Variants in CYLC2 observed in about 807,000 individuals in gnomAD.
CYLC2 encodes cylicin-2.
Under a neutral mutation model 26.1 loss-of-function variants are expected in CYLC2, and 30 were observed. The ratio of observed to expected loss-of-function variants is 1.15; its 90% CI spans 0.86 to 1.56. CYLC2 has a LOEUF of 1.56. Ranked by LOEUF, CYLC2 falls within the 40% of genes most tolerant of loss-of-function variation. The pLI is 0.00. For missense variants in CYLC2, 498 were observed against 394.4 expected (o/e 1.26, Z -2.23); for synonymous variants, 158 against 132.8 (o/e 1.19, Z -1.31).
intron 2 of CYLC2, among the ~76,000 whole-genome samples, chr9:103,002,791 T>C (rs533624937): frequency 6.6e-6 from 1 of 152,300 alleles, no homozygotes; most frequent in African/African-American, 2.4e-5. Context: ...GTAGTTATTT[T>C]CTGTTATAAT....
intron 2 of CYLC2, among the ~76,000 whole-genome samples, chr9:103,002,643 C>T (rs986354939): frequency 2.0e-5 from 3 of 151,984 alleles, no homozygotes; most frequent in South Asian, 2.1e-4. Context: ...TGAGCCACCG[C>T]GCCTGGCTGC....
Position 103,005,693 on chromosome 9 carries a change from T to A in CYLC2, c.*15T>A. ...AGGGCAAGTAGGCCTTGGATAAGAA[T>A]TTGAACCGAAAGAATAATTCAAAAG... On this transcript the variant is annotated 3_prime_UTR_variant, in exon 5 of 8. Transcript: ENST00000374798. 1 of 1,589,144 alleles carries A rather than the reference T, an allele frequency of 6.3e-7. No homozygotes were observed. The highest frequency in any genetic ancestry group is 8.5e-7 in the Non-Finnish European group (1 of 1,170,742).
In CYLC2 at chr9:103,011,947, C is replaced by CTTTTTTT. The variant is rs776460013; in HGVS notation, c.*701-14_*701-8dup. The CTTTTTTT allele has an allele frequency of 1.0e-3, 64 of 64,130 alleles. 5 individuals carry two copies. Among genetic ancestry groups the CTTTTTTT allele is most frequent in the East Asian group, 1.5e-3 (3 of 1,936 alleles). 4.0% of individuals were successfully genotyped at this position (64,130 alleles called of 1,614,324 possible). Reference sequence around the variant, plus strand: ...AACTTGCTAATACTTAGATCATTCTCTTTTTTTTTTTTTTTTTTTTTTTTT... The same window carrying CTTTTTTT: ...AACTTGCTAATACTTAGATCATTCTCTTTTTTTTTTTTTTTTTTTTTTTTTTTTTTTT... On this transcript the variant is annotated intron_variant, in intron 5 of 7. Coordinates refer to ENST00000374798, the MANE Select transcript of CYLC2 (RefSeq NM_001340.5).
chr9:103,005,490 G>A lies in CYLC2; in HGVS notation c.859G>A (p.Asp287Asn), dbSNP rs1445690327. The A allele has an allele frequency of 1.9e-6, 3 of 1,613,534 alleles. No homozygotes were observed. The highest frequency in any genetic ancestry group is 2.2e-5 in the East Asian group (1 of 44,864). ...PSSTDSDSKDDVKKESKKDAT... is the reference protein window; with the variant it reads ...PSSTDSDSKDNVKKESKKDAT... ...TAGTACAGACAGTGACTCAAAGGAT[G>A]ATGTCAAGAAAGAGTCTAAGAAGGA... is the stretch of plus-strand genomic sequence containing the variant. The change falls in exon 5 of 8, where the codon GAT becomes AAT. Residue 287 changes from aspartate (D) to asparagine (N), a missense_variant. Asp to Asn is a conservative substitution (Grantham distance 23, BLOSUM62 1). Transcript: ENST00000374798.
chr9:102,995,692 A>C (rs2118215717), intron 1 of CYLC2, among the ~76,000 whole-genome samples: 1 of 152,028 alleles, frequency 6.6e-6, no homozygotes, highest in African/African-American at 2.4e-5. Flanking sequence ...GAGTAATATA[A>C]AATAAAATAA....
At chr9:103,011,229 G>A (rs893201424) in intron 5 of CYLC2, among the ~76,000 whole-genome samples, 1 of 152,024 alleles carries the variant, frequency 6.6e-6, no homozygotes, top group African/African-American at 2.4e-5. Flanking sequence ...AGGACAATGT[G>A]CATTGTTCTC....
chr9:103,018,191 G>A (rs1829526311), intron 7 of CYLC2, 134 bp from the exon 8 acceptor site: 4 of 152,056 alleles, frequency 2.6e-5, no homozygotes, highest in Admixed American at 2.6e-4. Context: ...TTTAAACAAT[G>A]AGGAGAACTT....
rs2118238346 is a variant in CYLC2 at position 103,005,086 on chromosome 9, A to G, written c.455A>G (p.Glu152Gly). The G allele has an allele frequency of 1.2e-6, 2 of 1,606,970 alleles. No individual in the cohort carries two copies. The highest frequency in any genetic ancestry group is 1.1e-5 in the South Asian group (1 of 90,418). The change falls in exon 5 of 8, where the codon GAA (glutamate) becomes GGA (glycine). Residue 152 changes from glutamate to glycine, a missense_variant. Physicochemically the swap from Glu to Gly is moderately conservative, Grantham distance 98. Coordinates refer to ENST00000374798, the MANE Select transcript of CYLC2 (RefSeq NM_001340.5). ...GGCAAGGATATAGAGAAAGGAAAAG[A>G]AGAAAAGCTAGATGCAAAGAAAGAT... is the stretch of plus-strand genomic sequence containing the variant. Reference protein sequence around the residue: ...KKGKDIEKGKEEKLDAKKDSK... With the variant: ...KKGKDIEKGKGEKLDAKKDSK...
At chr9:103,008,351 T>G (rs1184198271) in intron 5 of CYLC2, among the ~76,000 whole-genome samples, 1 of 152,114 alleles carries the variant, frequency 6.6e-6, no homozygotes, top group Non-Finnish European at 1.5e-5. Flanking sequence ...TACATCTATG[T>G]TGTTTTCTCA....
At chr9:102,999,635 T>C (rs1448425589) in intron 1 of CYLC2, among the ~76,000 whole-genome samples, 1 of 151,356 alleles carries the variant, frequency 6.6e-6, no homozygotes, top group Non-Finnish European at 1.5e-5. Flanking sequence ...ATCTGTGGGC[T>C]ATGTTCTCTA....
At chr9:103,002,140 G>T (rs1829294526) in intron 2 of CYLC2, among the ~76,000 whole-genome samples, 2 of 151,942 alleles carry the variant, frequency 1.3e-5, no homozygotes, top group Admixed American at 6.6e-5. Flanking sequence ...CATAGGAAAT[G>T]TCTATTATTT....
Position 103,005,818 on chromosome 9 carries a change from T to G in CYLC2, c.*140T>G. The G allele has an allele frequency of 5.7e-5, 50 of 877,360 alleles. No individual in the cohort carries two copies. Among genetic ancestry groups the G allele is most frequent in the Non-Finnish European group, 8.1e-5 (46 of 568,310 alleles). 54.3% of individuals were successfully genotyped at this position (877,360 alleles called of 1,614,324 possible). A position where few individuals can be genotyped will look rare whatever the true frequency, so the allele number is the denominator to read the frequency against. On this transcript the variant is annotated 3_prime_UTR_variant, in exon 5 of 8. Transcript: ENST00000374798. ...ATTTTTAAAAGGTGGTAAAGAAGGATACAAAGGAGAACTCAGCAGAGATTT... is the reference window on the plus strand; with the variant it reads ...ATTTTTAAAAGGTGGTAAAGAAGGAGACAAAGGAGAACTCAGCAGAGATTT...
At chr9:103,015,047 T>A (rs1222028499) in intron 6 of CYLC2, among the ~76,000 whole-genome samples, 10 of 118,644 alleles carry the variant, frequency 8.4e-5, no homozygotes, top group African/African-American at 2.4e-4. Context: ...TATACATAAT[T>A]TGTATATTAT....
chr9:102,999,399 C>A (rs1265437633), intron 1 of CYLC2, among the ~76,000 whole-genome samples: 1 of 151,744 alleles, frequency 6.6e-6, no homozygotes, highest in African/African-American at 2.4e-5. Context: ...CACTGGATAT[C>A]ATATTTACCC....
intron 3 of CYLC2, 34 bp from the exon 4 acceptor site, chr9:103,004,661 C>T: frequency 6.7e-7 from 1 of 1,487,832 alleles, no homozygotes; most frequent in Middle Eastern, 1.8e-4. Context: ...TATTCACTCA[C>T]AAGTTGTTCA....
chr9:103,007,293 A>T (rs1829362620), intron 5 of CYLC2, among the ~76,000 whole-genome samples: 1 of 152,120 alleles, frequency 6.6e-6, no homozygotes, highest in Admixed American at 6.5e-5. Flanking sequence ...AGATGATATT[A>T]TTACCAATTA....
chr9:103,013,224 A>C (rs926277244), intron 6 of CYLC2, among the ~76,000 whole-genome samples: 4 of 72,518 alleles, frequency 5.5e-5, no homozygotes, highest in African/African-American at 2.0e-4. Context: ...TAATATGTAT[A>C]TTATAAACAT....
Position 103,002,542 on chromosome 9 carries a change from C to T in CYLC2, c.59-600C>T, listed in dbSNP as rs142438938. ...CACCACACCTGGTTTTTAGTAGAGA[C>T]GGGGTTTCACCGTGTTAGCCAGGAT... On this transcript the variant is annotated intron_variant, in intron 2 of 7. Coordinates refer to ENST00000374798, the MANE Select transcript of CYLC2 (RefSeq NM_001340.5). 1.9e-3 allele frequency among the ~76,000 whole-genome samples: 293 copies of T among 151,590 alleles called. 1 individual carries two copies. The highest frequency in any genetic ancestry group is 0.012 in the East Asian group (61 of 5,126).
At chr9:102,998,148 G>C (rs1829255327) in intron 1 of CYLC2, among the ~76,000 whole-genome samples, 1 of 151,600 alleles carries the variant, frequency 6.6e-6, no homozygotes, top group Non-Finnish European at 1.5e-5. Flanking sequence ...ATTTAATCTT[G>C]GTAAATATGA....
Sources: allele counts gnomAD v4.1 joint callset (sites outside exome capture counted in the v4.1 genomes callset), GRCh38; gene constraint gnomAD v4.1.1; transcripts MANE v1.5; gene names NCBI Gene and HGNC (gene_info 2026-07-23, HGNC 2026-07-21).